Variants in ABCB10 observed in about 807,000 individuals in gnomAD.
ABCB10 encodes the protein ATP-binding cassette sub-family B member 10, mitochondrial.
ABCB10 carries 54 observed loss-of-function variants against 65.4 expected under a neutral mutation model. That is an observed-to-expected ratio of 0.83 (90% CI 0.66 to 1.04). ABCB10 has a LOEUF of 1.04. ABCB10 is among the 50% of genes least tolerant of loss of function. The probability of loss-of-function intolerance (pLI) is 0.00; values close to 1 mark genes in which losing one functional copy is unlikely to be tolerated. For missense variants in ABCB10, 846 were observed against 976.6 expected (o/e 0.87, Z 1.78); for synonymous variants, 418 against 406.5 (o/e 1.03, Z -0.34).
rs746790498 is a variant in ABCB10, at chr1:229,518,311, A to T, written c.2085T>A (p.Ile695=). ...GAACAGCAACCATATTAGCATTCTT[A>T]ATGGTGGACAGACGATGGGCAATAA... is the stretch of plus-strand genomic sequence containing the variant. The part of the protein sequence containing the change: ...VLVIAHRLST[I]KNANMVAVLD... Residue 695 remains isoleucine (I), a synonymous_variant, in exon 13 of 13, where the codon ATT becomes ATA. Transcript: ENST00000344517. 1.3e-5 allele frequency: 21 copies of T among 1,614,060 alleles called. No individual in the cohort carries two copies. Among genetic ancestry groups the T allele is most frequent in the Non-Finnish European group, 1.5e-5 (18 of 1,180,038 alleles).
intron 1 of ABCB10, among the ~76,000 whole-genome samples, chr1:229,556,566 C>G (rs1663251586): frequency 6.6e-6 from 1 of 152,084 alleles, no homozygotes; most frequent in South Asian, 2.1e-4. Context: ...AAGGCTGTCA[C>G]CAAAACATAC....
chr1:229,525,556 G>A (rs1267740723), intron 10 of ABCB10, among the ~76,000 whole-genome samples: 1 of 152,154 alleles, frequency 6.6e-6, no homozygotes. Context: ...ATAGAAACAT[G>A]TGGGCTGGGC....
At chr1:229,548,939 G>A (rs1268813089) in intron 2 of ABCB10, among the ~76,000 whole-genome samples, 1 of 152,160 alleles carries the variant, frequency 6.6e-6, no homozygotes, top group Non-Finnish European at 1.5e-5. Flanking sequence ...GGGATTACAG[G>A]CATGAGCCAC....
intron 10 of ABCB10, among the ~76,000 whole-genome samples, chr1:229,522,665 A>G (rs1662344887): frequency 6.6e-6 from 1 of 152,214 alleles, no homozygotes; most frequent in Admixed American, 6.5e-5. Context: ...ATGCTCTTAA[A>G]AGCATGTAAA....
At chr1:229,521,098 G>C (rs1662303882) in intron 11 of ABCB10, among the ~76,000 whole-genome samples, 1 of 151,756 alleles carries the variant, frequency 6.6e-6, no homozygotes, top group Non-Finnish European at 1.5e-5. Flanking sequence ...ATAAGCCTGA[G>C]AAGAACAGTT....
chr1:229,537,354 T>G (rs6679777), intron 6 of ABCB10, among the ~76,000 whole-genome samples: 2,837 of 152,278 alleles, frequency 0.019, 84 homozygotes, highest in African/African-American at 0.065. Flanking sequence ...ATCATTGGGG[T>G]TTTTACCCCT....
chr1:229,537,014 ATAT>A (rs1662736035), intron 6 of ABCB10, among the ~76,000 whole-genome samples: 1 of 152,230 alleles, frequency 6.6e-6, no homozygotes, highest in Non-Finnish European at 1.5e-5. Context: ...AACTTTGAAA[ATAT>A]TATGCTAAGT....
At chr1:229,520,513 CAAAA>C (rs35593030) in intron 11 of ABCB10, among the ~76,000 whole-genome samples, 1 of 126,672 alleles carries the variant, frequency 7.9e-6, no homozygotes, top group Non-Finnish European at 1.7e-5. Context: ...CACATGAGAC[CAAAA>C]AAAAAAAAAA....
At position 229,526,010 on chromosome 1, in the gene ABCB10, T is replaced by C. The variant is rs563275826; in HGVS notation, c.1832A>G (p.Asn611Ser). ...EEIQRVAEVA[N>S]AVAFIRNFPQ... Reference sequence around the variant, plus strand: ...GAAATTCCGGATGAAGGCCACTGCATTGGCCACTTCAGCCACTCTCTGGAT... The same window carrying C: ...GAAATTCCGGATGAAGGCCACTGCACTGGCCACTTCAGCCACTCTCTGGAT... Residue 611 changes from asparagine to serine, a missense_variant, in exon 10 of 13, where the codon AAT (asparagine) becomes AGT (serine). Asn to Ser is a conservative substitution (Grantham distance 46). Transcript: ENST00000344517. 104 of 1,614,234 alleles carry C rather than the reference T, an allele frequency of 6.4e-5. No individual in the cohort carries two copies. Among genetic ancestry groups the C allele is most frequent in the East Asian group, 2.7e-4 (12 of 44,882 alleles).
At chr1:229,543,021 C>T (rs976078766) in intron 3 of ABCB10, among the ~76,000 whole-genome samples, 19 of 151,480 alleles carry the variant, frequency 1.3e-4, no homozygotes, top group African/African-American at 4.6e-4. Context: ...ATCCCAGCTA[C>T]TCGGGAGGCT....
At chr1:229,524,978 C>T (rs964258990) in intron 10 of ABCB10, among the ~76,000 whole-genome samples, 4 of 152,122 alleles carry the variant, frequency 2.6e-5, no homozygotes, top group Non-Finnish European at 4.4e-5. Context: ...CTCAGCCTCC[C>T]GAGTAGCTGG....
At chr1:229,541,142 TTTG>T (rs1453549558) in intron 4 of ABCB10, among the ~76,000 whole-genome samples, 1 of 152,246 alleles carries the variant, frequency 6.6e-6, no homozygotes, top group East Asian at 1.9e-4. Flanking sequence ...TATGCGTGTT[TTTG>T]TTTTCTCTCT....
chr1:229,532,702 G>A (rs900132413), intron 6 of ABCB10, among the ~76,000 whole-genome samples: 2 of 152,022 alleles, frequency 1.3e-5, no homozygotes, highest in Non-Finnish European at 2.9e-5. Flanking sequence ...GCAACATAGA[G>A]AGAACCCTGT....
At position 229,518,251 on chromosome 1, in the gene ABCB10, A is replaced by G. The variant is rs1228621418; in HGVS notation, c.2145T>C (p.His715=). The change falls in exon 13 of 13, where the codon CAT becomes CAC. Residue 715 remains histidine (H), a synonymous_variant. Transcript: ENST00000344517. The part of the protein sequence containing the change: ...DQGKITEYGK[H]EELLSKPNGI... Reference sequence around the variant, plus strand: ...CATTTGGTTTTGAAAGCAGCTCTTCATGTTTTCCATATTCAGTAATTTTTC... The same window carrying G: ...CATTTGGTTTTGAAAGCAGCTCTTCGTGTTTTCCATATTCAGTAATTTTTC... 1 of 1,614,146 alleles carries G rather than the reference A, an allele frequency of 6.2e-7. No homozygotes were observed. Among genetic ancestry groups the G allele is most frequent in the Non-Finnish European group, 8.5e-7 (1 of 1,180,030 alleles).
intron 1 of ABCB10, among the ~76,000 whole-genome samples, chr1:229,553,794 T>C (rs1663175186): frequency 6.6e-6 from 1 of 151,832 alleles, no homozygotes; most frequent in African/African-American, 2.4e-5. Context: ...AGCTCTGCCA[T>C]CTAGCTGTTT....
In ABCB10 at chr1:229,525,997, G is replaced by C. The variant is rs1335955567; in HGVS notation, c.1845C>G (p.Phe615Leu). 1 of 1,614,234 alleles carries C rather than the reference G, an allele frequency of 6.2e-7. No individual in the cohort carries two copies. The highest frequency in any genetic ancestry group is 1.1e-5 in the South Asian group (1 of 91,082). The change falls in exon 10 of 13, where the codon TTC becomes TTG. Residue 615 changes from phenylalanine (F) to leucine (L), a missense_variant. Around this residue, in one of 2 missense-constraint regions of ABCB10, gnomAD observed 632 missense variants for 803.2 expected, o/e 0.79. Transcript: ENST00000344517. ...TGAACCCTTGGGGGAAATTCCGGAT[G>C]AAGGCCACTGCATTGGCCACTTCAG... Reference protein sequence around the residue: ...RVAEVANAVAFIRNFPQGFNT... With the variant: ...RVAEVANAVALIRNFPQGFNT...
rs368398099 is a variant in ABCB10 at position 229,521,668 on chromosome 1, T to C, written c.1907-33A>G. On this transcript the variant is annotated intron_variant, in intron 10 of 12. Transcript: ENST00000344517. ...AGACAACATTTAAAAAAAGAAGGCC[T>C]CAACAAAAAATCTTAGTAATAGGCT... The C allele has an allele frequency of 5.3e-5, 86 of 1,608,272 alleles. No homozygotes were observed. In the African/African-American group the frequency reaches 1.1e-3, roughly 21 times the overall value.
At chr1:229,543,130 CAAAAAA>C (rs35652910) in intron 3 of ABCB10, among the ~76,000 whole-genome samples, 1 of 62,430 alleles carries the variant, frequency 1.6e-5, no homozygotes, top group Non-Finnish European at 3.1e-5. Flanking sequence ...AACTCCATCT[CAAAAAA>C]AAAAAAAAAA....
Position 229,558,203 on chromosome 1 carries a change from T to C in ABCB10, c.450A>G (p.Ala150=), listed in dbSNP as rs1242329656. 1.4e-6 allele frequency: 2 copies of C among 1,421,992 alleles called. No homozygotes were observed. Among genetic ancestry groups the C allele is most frequent in the Non-Finnish European group, 9.2e-7 (1 of 1,090,130 alleles). The allele number at this position is 1,421,992 out of a possible 1,614,324, so 88.1% of individuals were successfully genotyped here. Residue 150 remains alanine (A), a synonymous_variant, in exon 1 of 13, where the codon GCA becomes GCG. Coordinates refer to ENST00000344517, the MANE Select transcript of ABCB10 (RefSeq NM_012089.3). ...PPGDKGRLRP[A]AAGLPEARKL... ...TCCGGGCCTCCGGGAGTCCGGCCGC[T>C]GCGGGGCGCAGCCGCCCCTTGTCCC...
Sources: gnomAD v4.1 joint callset for allele counts (sites outside exome capture counted in the v4.1 genomes callset) on GRCh38, gnomAD v4.1.1 for gene constraint, gnomAD v4.1.1 regional missense constraint, MANE v1.5 for transcripts, NCBI Gene and HGNC (gene_info 2026-07-23, HGNC 2026-07-21) for gene names.